Variants in NEK2 observed in about 807,000 individuals in gnomAD.
NEK2 encodes the protein NIMA related kinase 2.
In NEK2, 28 loss-of-function variants were observed where a neutral mutation model predicts 54.1. The ratio of observed to expected loss-of-function variants is 0.52; its 90% CI spans 0.38 to 0.71. The LOEUF (loss-of-function observed/expected upper bound fraction) is 0.71, where lower values mean the gene tolerates loss of function less well. Ranked by LOEUF, NEK2 falls within the 30% of genes least tolerant of loss-of-function variation. The pLI, the probability that NEK2 is intolerant of heterozygous loss-of-function variation, is 0.00. For missense variants in NEK2, 407 were observed against 531.5 expected (o/e 0.77, Z 2.30); for synonymous variants, 176 against 193.1 (o/e 0.91, Z 0.73).
chr1:211,675,098 A>G (rs1017979862), intron 1 of NEK2, among the ~76,000 whole-genome samples: 2 of 152,204 alleles, frequency 1.3e-5, no homozygotes, highest in Non-Finnish European at 2.9e-5. Flanking sequence ...CAGCTCAGGA[A>G]TTAGTTACCT....
In NEK2 at chr1:211,673,715, A is replaced by G; in HGVS notation, c.323T>C (p.Leu108Ser). 1 of 1,614,198 alleles carries G rather than the reference A, an allele frequency of 6.2e-7. No homozygotes were observed. The highest frequency in any genetic ancestry group is 1.1e-5 in the South Asian group (1 of 91,088). The change falls in exon 3 of 8, where the codon TTA (leucine) becomes TCA (serine). Residue 108 changes from leucine (L) to serine (S), a missense_variant. Transcript: ENST00000366999. ...CACTCGAAGAACAAACTCTTCATCT[A>G]AGTATTGCCTAAAACCAAAGCAGTT... Reference protein sequence around the residue: ...ITKGTKERQYLDEEFVLRVMT... With the variant: ...ITKGTKERQYSDEEFVLRVMT...
intron 1 of NEK2, 21 bp downstream of exon 1, chr1:211,675,363 C>A: frequency 6.2e-7 from 1 of 1,609,722 alleles, no homozygotes; most frequent in Non-Finnish European, 8.5e-7. Flanking sequence ...GGGGCAGGCG[C>A]AGGGTAGGTC....
intron 6 of NEK2, among the ~76,000 whole-genome samples, chr1:211,667,802 T>C (rs1450889090): frequency 6.6e-6 from 1 of 152,150 alleles, no homozygotes; most frequent in Non-Finnish European, 1.5e-5. Flanking sequence ...TCCCAACACT[T>C]TGGGAGGCCG....
intron 2 of NEK2, among the ~76,000 whole-genome samples, chr1:211,674,035 T>C (rs1196429806): frequency 6.6e-6 from 1 of 152,120 alleles, no homozygotes; most frequent in Non-Finnish European, 1.5e-5. Flanking sequence ...AGGCTGGTCT[T>C]GAAATCCTGG....
At chr1:211,663,725 A>T in intron 7 of NEK2, 73 bp from the exon 8 acceptor site, 1 of 1,402,334 alleles carries the variant, frequency 7.1e-7, no homozygotes, top group Non-Finnish European at 9.8e-7. Context: ...TATACTTATC[A>T]AAAAGTATTT....
downstream of NEK2, chr1:211,660,533 G>A (rs1032272229): frequency 7.9e-6 from 5 of 636,184 alleles, no homozygotes; most frequent in African/African-American, 9.1e-5. Flanking sequence ...TGATCATCCT[G>A]AATCTTAAAG....
intron 7 of NEK2, among the ~76,000 whole-genome samples, chr1:211,665,149 T>G (rs1158754856): frequency 1.3e-5 from 2 of 152,256 alleles, no homozygotes; most frequent in African/African-American, 4.8e-5. Context: ...TCAATATACT[T>G]GTGATGGCTT....
At chr1:211,662,546 G>A (rs896742753), downstream of NEK2, among the ~76,000 whole-genome samples, 3 of 152,156 alleles carry the variant, frequency 2.0e-5, no homozygotes, top group African/African-American at 7.2e-5. The surrounding 1 kb of genome is among the most constrained non-coding windows in gnomAD (Gnocchi z 4.2). Context: ...AATGCCCCCA[G>A]ACATTGCCAA....
At chr1:211,664,974 C>A (rs115924829) in intron 7 of NEK2, among the ~76,000 whole-genome samples, 3,503 of 152,156 alleles carry the variant, frequency 0.023, 123 homozygotes, top group African/African-American at 0.077. Context: ...GTAGCTGGGA[C>A]TATAGGTGCG....
chr1:211,675,545 G>T lies in NEK2; in HGVS notation c.-66C>A. On this transcript the variant is annotated 5_prime_UTR_variant, in exon 1 of 8. Transcript: ENST00000366999. ...GCGCCGCCAAGTGCGGAGCTCCAGG[G>T]ACCAGGAACTCCAGGGACCTGGATG... 14 of 1,352,526 alleles carry T rather than the reference G, an allele frequency of 1.0e-5. No individual in the cohort carries two copies. The highest frequency in any genetic ancestry group is 1.3e-5 in the Non-Finnish European group (12 of 946,236). 83.8% of individuals were successfully genotyped at this position (1,352,526 alleles called of 1,614,324 possible).
chr1:211,664,772 C>T (rs1655123985), intron 7 of NEK2, among the ~76,000 whole-genome samples: 1 of 152,268 alleles, frequency 6.6e-6, no homozygotes, highest in Non-Finnish European at 1.5e-5. Flanking sequence ...CTTATTACCA[C>T]AAATACCTTT....
At chr1:211,675,230 G>A (rs1655540875) in intron 1 of NEK2, among the ~76,000 whole-genome samples, 154 bp downstream of exon 1, 1 of 152,232 alleles carries the variant, frequency 6.6e-6, no homozygotes, top group South Asian at 2.1e-4. Context: ...AAGCCACCCA[G>A]GACAGGCTGT....
Position 211,673,561 on chromosome 1 carries a change from G to C in NEK2, c.477C>G (p.Asp159Glu), listed in dbSNP as rs1289056813. Residue 159 changes from aspartate to glutamate, a missense_variant, in exon 3 of 8, where the codon GAC becomes GAG. Coordinates refer to ENST00000366999, the MANE Select transcript of NEK2 (RefSeq NM_002497.4). ...LDGKQNVKLG[D>E]FGLARILNHD... ...GGTTTAATATTCTAGCTAGCCCAAAGTCTCCAAGCTTGACGTTTTGCTTGC... is the reference window on the plus strand; with the variant it reads ...GGTTTAATATTCTAGCTAGCCCAAACTCTCCAAGCTTGACGTTTTGCTTGC... 1 of 1,613,978 alleles carries C rather than the reference G, an allele frequency of 6.2e-7. No homozygotes were observed. The highest frequency in any genetic ancestry group is 8.5e-7 in the Non-Finnish European group (1 of 1,179,948).
downstream of NEK2, chr1:211,660,400 A>C (rs1654988051): frequency 7.4e-6 from 5 of 677,866 alleles, no homozygotes; most frequent in Non-Finnish European, 1.1e-5. Flanking sequence ...ATTCTCCTTC[A>C]GGATCTGGTA....
intron 3 of NEK2, among the ~76,000 whole-genome samples, chr1:211,671,636 CCA>C: frequency 6.6e-6 from 1 of 152,264 alleles, no homozygotes; most frequent in East Asian, 1.9e-4. Context: ...TGTATCTAGT[CCA>C]CATTTAAATG....
In NEK2 at chr1:211,675,569, T is replaced by C; in HGVS notation, c.-90A>G. 1.9e-6 allele frequency: 2 copies of C among 1,080,470 alleles called. No homozygotes were observed. The highest frequency in any genetic ancestry group is 2.8e-6 in the Non-Finnish European group (2 of 710,486). 66.9% of individuals were successfully genotyped at this position (1,080,470 alleles called of 1,614,324 possible). Reference sequence around the variant, plus strand: ...GGACCAGGAACTCCAGGGACCTGGATGGAGAAGCCCCCGAGCAGCACTGAC... The same window carrying C: ...GGACCAGGAACTCCAGGGACCTGGACGGAGAAGCCCCCGAGCAGCACTGAC... On this transcript the variant is annotated 5_prime_UTR_variant, in exon 1 of 8. Coordinates refer to ENST00000366999, the MANE Select transcript of NEK2 (RefSeq NM_002497.4).
At chr1:211,660,091 T>TTCTGATACCA, downstream of NEK2, 1 of 176,644 alleles carries the variant, frequency 5.7e-6, no homozygotes. Context: ...CACGCCCAGC[T>TTCTGATACCA]GGAAAGTGCA....
Position 211,669,231 on chromosome 1 carries a change from T to A in NEK2, c.867A>T (p.Gln289His). The change falls in exon 6 of 8, where the codon CAA becomes CAT. Residue 289 changes from glutamine (Q) to histidine (H), a missense_variant. Gln to His is a conservative substitution (Grantham distance 24, BLOSUM62 0). Transcript: ENST00000366999. Reference sequence around the variant, plus strand: ...CCTGCGATTTTTCTGGCTCTCCTAATTGTCGCCCTCTTCTCTCAAGATTTC... The same window carrying A: ...CCTGCGATTTTTCTGGCTCTCCTAAATGTCGCCCTCTTCTCTCAAGATTTC... ...QRRNLERRGR[Q>H]LGEPEKSQDS... 6.2e-7 allele frequency: 1 copy of A among 1,614,092 alleles called. No individual in the cohort carries two copies. The highest frequency in any genetic ancestry group is 1.1e-5 in the South Asian group (1 of 91,084).
At chr1:211,661,535 G>T (rs537430539), downstream of NEK2, among the ~76,000 whole-genome samples, 23 of 152,178 alleles carry the variant, frequency 1.5e-4, no homozygotes, top group Admixed American at 3.9e-4. Context: ...TTGTTTAAAT[G>T]ACTAGATAAG....
Sources: allele counts gnomAD v4.1 joint callset (sites outside exome capture counted in the v4.1 genomes callset), GRCh38; gene constraint gnomAD v4.1.1; non-coding constraint Gnocchi (gnomAD v3.1); transcripts MANE v1.5; gene names NCBI Gene and HGNC (gene_info 2026-07-23, HGNC 2026-07-21).